The following NSL1 variants were observed in gnomAD, a reference collection of about 807,000 sequenced individuals.
NSL1 encodes NSL1 component of MIS12 kinetochore complex, also known as kinetochore-associated protein NSL1 homolog.
A neutral mutation model predicts 25.4 loss-of-function variants in NSL1; 11 were observed. That is an observed-to-expected ratio of 0.43 (90% confidence interval 0.27 to 0.72). The LOEUF is 0.72. Among genes scored for constraint, NSL1 ranks in the 30% least tolerant of loss-of-function variants. NSL1 has a pLI of 0.19. For missense variants in NSL1, 330 were observed against 342.7 expected (o/e 0.96, Z 0.29); for synonymous variants, 118 against 120.6 (o/e 0.98, Z 0.14).
At chr1:212,780,089 A>G (rs1660650037) in intron 4 of NSL1, among the ~76,000 whole-genome samples, 1 of 152,046 alleles carries the variant, frequency 6.6e-6, no homozygotes, top group Non-Finnish European at 1.5e-5. Flanking sequence ...AAAGATTGAG[A>G]AATCGGATGG....
At chr1:212,759,706 T>C (rs1659472103) in intron 4 of NSL1, among the ~76,000 whole-genome samples, 1 of 152,078 alleles carries the variant, frequency 6.6e-6, no homozygotes, top group Non-Finnish European at 1.5e-5. Flanking sequence ...CCCTGGAGCC[T>C]TGCTGACATC....
At position 212,730,579 on chromosome 1, in the gene NSL1, T is replaced by C. The variant is rs933678318; in HGVS notation, c.*7829A>G. 12 of 985,406 alleles carry C rather than the reference T, an allele frequency of 1.2e-5. 1 individual carries two copies. The highest frequency in any genetic ancestry group is 5.2e-4 in the Middle Eastern group (1 of 1,914). 61.0% of individuals were successfully genotyped at this position (985,406 alleles called of 1,614,324 possible). A position where few individuals can be genotyped will look rare whatever the true frequency, so the allele number is the denominator to read the frequency against. ...ACCTGCAGGGAGAAGTTGAATTTTC[T>C]TCTCTAGCTATCCCAGGCCACCCAG... On this transcript the variant is annotated 3_prime_UTR_variant, in exon 6 of 6. Coordinates refer to ENST00000366977, the MANE Select transcript of NSL1 (RefSeq NM_015471.4).
chr1:212,736,254 G>T lies in NSL1; in HGVS notation c.*2154C>A. The T allele has an allele frequency of 1.3e-6, 1 of 784,736 alleles. No homozygotes were observed. Among genetic ancestry groups the T allele is most frequent in the Non-Finnish European group, 1.5e-6 (1 of 647,162 alleles). 48.6% of individuals were successfully genotyped at this position (784,736 alleles called of 1,614,324 possible). On this transcript the variant is annotated 3_prime_UTR_variant, in exon 6 of 6. Transcript: ENST00000366977. Reference sequence around the variant, plus strand: ...AGTTTCACTATGTTGCCCAGGCTGGGCTCAAGTAATCTGTCCACTTCAGCC... The same window carrying T: ...AGTTTCACTATGTTGCCCAGGCTGGTCTCAAGTAATCTGTCCACTTCAGCC...
Position 212,736,984 on chromosome 1 carries a change from AC to A in NSL1, c.*1423del. On this transcript the variant is annotated 3_prime_UTR_variant, in exon 6 of 6. Coordinates refer to ENST00000366977, the MANE Select transcript of NSL1 (RefSeq NM_015471.4). ...GGACCTCTGAAGTGAAACAAATCAT[AC>A]AGAATTTTAATACTATAAAAACATT... 1 of 984,468 alleles carries A rather than the reference AC, an allele frequency of 1.0e-6. No individual in the cohort carries two copies. Among genetic ancestry groups the A allele is most frequent in the Non-Finnish European group, 1.2e-6 (1 of 829,038 alleles). The allele number at this position is 984,468 out of a possible 1,614,324, so 61.0% of individuals were successfully genotyped here.
At position 212,726,687 on chromosome 1, in the gene NSL1, G is replaced by A. The variant is rs1190983207; in HGVS notation, c.*11721C>T. On this transcript the variant is annotated 3_prime_UTR_variant, in exon 6 of 6. Coordinates refer to ENST00000366977, the MANE Select transcript of NSL1 (RefSeq NM_015471.4). ...CCAGCGGCACTGTGTTACCCCTGAG[G>A]TTGGCTCCTCTTCAATGTCCAGACC... is the stretch of plus-strand genomic sequence containing the variant. 1.3e-5 allele frequency: 2 copies of A among 155,338 alleles called. No individual in the cohort carries two copies. Among genetic ancestry groups the A allele is most frequent in the Non-Finnish European group, 2.8e-5 (2 of 70,246 alleles). The allele number at this position is 155,338 out of a possible 1,614,324, so 9.6% of individuals were successfully genotyped here. A position where few individuals can be genotyped will look rare whatever the true frequency, so the allele number is the denominator to read the frequency against.
At chr1:212,790,941 A>AAT (rs1661207059) in intron 1 of NSL1, among the ~76,000 whole-genome samples, 2 of 151,612 alleles carry the variant, frequency 1.3e-5, no homozygotes, top group African/African-American at 4.9e-5. Context: ...AAAATAAAAT[A>AAT]AAATAAATAA....
At position 212,760,315 on chromosome 1, in the gene NSL1, A is replaced by C. The variant is rs1659504583; in HGVS notation, c.500-20714T>G. Among the ~76,000 whole-genome samples, 1 of 151,878 alleles carries C rather than the reference A, an allele frequency of 6.6e-6. No homozygotes were observed. The highest frequency in any genetic ancestry group is 2.4e-5 in the African/African-American group (1 of 41,334). ...CCACCCTGCTCTGCACCACTCTACC[A>C]CACCAGTGTCTGAGAGCGCCATCTA... On this transcript the variant is annotated intron_variant, in intron 4 of 5. Coordinates refer to ENST00000366977, the MANE Select transcript of NSL1 (RefSeq NM_015471.4). The surrounding 1 kb of genome is among the most constrained non-coding windows in gnomAD (Gnocchi z 4.3).
Position 212,736,036 on chromosome 1 carries a change from GTTC to G in NSL1, c.*2369_*2371del, listed in dbSNP as rs1658219297. 2.2e-5 allele frequency: 22 copies of G among 985,294 alleles called. No individual in the cohort carries two copies. The highest frequency in any genetic ancestry group is 2.5e-5 in the Non-Finnish European group (21 of 829,872). The allele number at this position is 985,294 out of a possible 1,614,324, so 61.0% of individuals were successfully genotyped here. A position where few individuals can be genotyped will look rare whatever the true frequency, so the allele number is the denominator to read the frequency against. On this transcript the variant is annotated 3_prime_UTR_variant, in exon 6 of 6. Transcript: ENST00000366977. ...TTGGGACTAGACTTAACCTTCTTGT[GTTC>G]TTCTTATTATTATTTTGAAACAGGG...
chr1:212,764,405 A>T (rs1428395895), intron 4 of NSL1, among the ~76,000 whole-genome samples: 2 of 152,230 alleles, frequency 1.3e-5, no homozygotes, highest in African/African-American at 4.8e-5. Context: ...CCAGGAGAAG[A>T]AGTAACAAAG....
chr1:212,743,164 G>T (rs139465687), intron 4 of NSL1, among the ~76,000 whole-genome samples: 79 of 151,050 alleles, frequency 5.2e-4, no homozygotes, highest in East Asian at 3.7e-3. Flanking sequence ...GTTTACTTTG[G>T]TTTTTTTTTC....
intron 1 of NSL1, 118 bp downstream of exon 1, chr1:212,791,412 A>G (rs1661254102): frequency 1.1e-6 from 1 of 903,948 alleles, no homozygotes; most frequent in Non-Finnish European, 1.7e-6. Flanking sequence ...CTGGTTCTAC[A>G]GTAGCCTGGG....
At chr1:212,755,769 A>G (rs1056207173) in intron 4 of NSL1, among the ~76,000 whole-genome samples, 1 of 151,364 alleles carries the variant, frequency 6.6e-6, no homozygotes, top group Non-Finnish European at 1.5e-5. Context: ...TTTCATATAT[A>G]TCTATATGTA....
chr1:212,727,774 A>C lies in NSL1; in HGVS notation c.*10634T>G. ...CATATTTAACCTCATTAAGATAATA[A>C]ATTGCTTTAAACAACTTTGAGCACT... is the stretch of plus-strand genomic sequence containing the variant. On this transcript the variant is annotated 3_prime_UTR_variant, in exon 6 of 6. Transcript: ENST00000366977. 1 of 984,362 alleles carries C rather than the reference A, an allele frequency of 1.0e-6. No individual in the cohort carries two copies. The highest frequency in any genetic ancestry group is 1.2e-6 in the Non-Finnish European group (1 of 828,938). The allele number at this position is 984,362 out of a possible 1,614,324, so 61.0% of individuals were successfully genotyped here.
chr1:212,778,166 TACTC>T (rs3086444), intron 4 of NSL1, among the ~76,000 whole-genome samples: 27,084 of 152,018 alleles, frequency 0.18, 2,690 homozygotes, highest in African/African-American at 0.28. Context: ...AGATGCCACT[TACTC>T]AAACAGGGAA....
At position 212,735,859 on chromosome 1, in the gene NSL1, C is replaced by T. The variant is rs1285981085; in HGVS notation, c.*2549G>A. On this transcript the variant is annotated 3_prime_UTR_variant, in exon 6 of 6. Transcript: ENST00000366977. ...CAGAAACTGCATTTGCCAGCACCTT[C>T]TCATGGACTTCTAGCCTCCAGAACT... 1 of 805,060 alleles carries T rather than the reference C, an allele frequency of 1.2e-6. No individual in the cohort carries two copies. Among genetic ancestry groups the T allele is most frequent in the Non-Finnish European group, 1.5e-6 (1 of 665,262 alleles). 49.9% of individuals were successfully genotyped at this position (805,060 alleles called of 1,614,324 possible).
At chr1:212,747,128 C>CA (rs138411233) in intron 4 of NSL1, among the ~76,000 whole-genome samples, 29,758 of 128,102 alleles carry the variant, frequency 0.23, 3,997 homozygotes, top group Admixed American at 0.44. Context: ...GGCGACAGAG[C>CA]AAAAAAAAAA....
chr1:212,769,374 T>A (rs1659994691), intron 4 of NSL1, among the ~76,000 whole-genome samples: 1 of 152,002 alleles, frequency 6.6e-6, no homozygotes, highest in South Asian at 2.1e-4. Flanking sequence ...GAGAAAGGCC[T>A]AAAGTTACAT....
At chr1:212,788,737 G>GT (rs1661053298) in intron 1 of NSL1, among the ~76,000 whole-genome samples, 1 of 152,134 alleles carries the variant, frequency 6.6e-6, no homozygotes, top group Admixed American at 6.5e-5. Context: ...TTTTAAAATT[G>GT]TGGGAAAAAA....
chr1:212,735,214 G>T lies in NSL1; in HGVS notation c.*3194C>A. On this transcript the variant is annotated 3_prime_UTR_variant, in exon 6 of 6. Transcript: ENST00000366977. ...TGATCATAGACAGGTTAAGTAACTT[G>T]TCCAATATCATTGAACTAATAATGG... 1.5e-6 allele frequency: 1 copy of T among 675,590 alleles called. No individual in the cohort carries two copies. Among genetic ancestry groups the T allele is most frequent in the Non-Finnish European group, 1.8e-6 (1 of 547,432 alleles). 41.8% of individuals were successfully genotyped at this position (675,590 alleles called of 1,614,324 possible). A position where few individuals can be genotyped will look rare whatever the true frequency, so the allele number is the denominator to read the frequency against.
Sources: gnomAD v4.1 joint callset for allele counts (sites outside exome capture counted in the v4.1 genomes callset) on GRCh38, gnomAD v4.1.1 for gene constraint, Gnocchi (gnomAD v3.1) non-coding constraint, MANE v1.5 for transcripts, NCBI Gene and HGNC (gene_info 2026-07-23, HGNC 2026-07-21) for gene names.